PRKCH: variants seen among roughly 807,000 people sequenced by gnomAD.
The protein encoded by PRKCH is protein kinase C eta type.
A neutral mutation model predicts 82.5 loss-of-function variants in PRKCH; 28 were observed. That is an observed-to-expected ratio of 0.34 (90% confidence interval 0.25 to 0.47). PRKCH has a LOEUF of 0.47. Among genes scored for constraint, PRKCH ranks in the 20% least tolerant of loss-of-function variants. The probability of loss-of-function intolerance (pLI) is 1.00; values close to 1 mark genes in which losing one functional copy is unlikely to be tolerated. For synonymous variants in PRKCH, 322 were observed against 327.4 expected (o/e 0.98, Z 0.18); for missense variants, 705 against 881.8 (o/e 0.80, Z 2.54).
At chr14:61,331,715 A>G (rs2045791766) in intron 1 of PRKCH, among the ~76,000 whole-genome samples, 1 of 152,188 alleles carries the variant, frequency 6.6e-6, no homozygotes, top group South Asian at 2.1e-4. Context: ...ACGGTCTCCA[A>G]AGACTTTTAT....
chr14:61,430,038 G>T (rs1291835492), intron 2 of PRKCH, among the ~76,000 whole-genome samples: 1 of 152,086 alleles, frequency 6.6e-6, no homozygotes, highest in African/African-American at 2.4e-5. Flanking sequence ...TAAATTCCAT[G>T]GAATCAAGAG....
intron 1 of PRKCH, among the ~76,000 whole-genome samples, chr14:61,339,105 C>T (rs940070744): frequency 6.6e-6 from 1 of 151,982 alleles, no homozygotes; most frequent in Non-Finnish European, 1.5e-5. Flanking sequence ...TCACCTATCA[C>T]CTACTCCTCC....
chr14:61,363,729 A>C (rs552119992), intron 1 of PRKCH, among the ~76,000 whole-genome samples: 2 of 151,948 alleles, frequency 1.3e-5, no homozygotes, highest in Non-Finnish European at 2.9e-5. Context: ...TTGGTGCCCA[A>C]AGAGAACTCT....
chr14:61,268,090 T>C (rs987919808), intron 1 of PRKCH, among the ~76,000 whole-genome samples: 1 of 152,184 alleles, frequency 6.6e-6, no homozygotes, highest in Non-Finnish European at 1.5e-5. Context: ...ATCTTCAATG[T>C]CTATGTTATT....
intron 10 of PRKCH, among the ~76,000 whole-genome samples, chr14:61,496,843 C>T (rs4902071): frequency 0.63 from 95,646 of 152,062 alleles, 34,939 homozygotes; most frequent in Middle Eastern, 0.81. Context: ...GCATCTACTA[C>T]GAGCCAGGCT....
intron 1 of PRKCH, among the ~76,000 whole-genome samples, chr14:61,273,829 A>T (rs530627162): frequency 6.6e-6 from 1 of 152,206 alleles, no homozygotes; most frequent in Admixed American, 6.5e-5. Flanking sequence ...TATGCATTCA[A>T]CTATCTTGTA....
chr14:61,402,999 G>A (rs1215436411), intron 2 of PRKCH, among the ~76,000 whole-genome samples: 2 of 151,922 alleles, frequency 1.3e-5, no homozygotes, highest in South Asian at 4.1e-4. Context: ...CTAGCATTAG[G>A]TATATCTCCC....
chr14:61,198,510 C>A (rs543119858), intron 1 of PRKCH, among the ~76,000 whole-genome samples: 5 of 152,150 alleles, frequency 3.3e-5, no homozygotes, highest in Non-Finnish European at 7.4e-5. Flanking sequence ...TCGTTCGTGA[C>A]ATTTGTTCAT....
chr14:61,272,340 C>CTTTTTTTTTTTTTTTTTTTTTTT (rs1335053986), intron 1 of PRKCH, among the ~76,000 whole-genome samples: 3 of 97,838 alleles, frequency 3.1e-5, no homozygotes, highest in African/African-American at 8.0e-5. Context: ...TTTCTTTTTT[C>CTTTTTTTTTTTTTTTTTTTTTTT]TTTCTTTTTT....
At chr14:61,281,071 C>A (rs2045260645) in intron 1 of PRKCH, 3 of 1,518,126 alleles carry the variant, frequency 2.0e-6, no homozygotes, top group Non-Finnish European at 2.6e-6. Context: ...CAGCGGCTGC[C>A]AGGCGGGGAG....
At position 61,439,781 on chromosome 14, in the gene PRKCH, G is replaced by A. The variant is rs114451036; in HGVS notation, c.428-3330G>A. On this transcript the variant is annotated intron_variant, in intron 2 of 13. Transcript: ENST00000332981. ...GGTTGGAAGGAAAGAGGGAAGGGCC[G>A]TTTAGGAAGGTGAAAAGGCAGGAGT... Among the ~76,000 whole-genome samples, 921 of 152,254 alleles carry A rather than the reference G, an allele frequency of 6.0e-3. 13 individuals are homozygous for A. The highest frequency in any genetic ancestry group is 0.021 in the African/African-American group (854 of 41,506).
chr14:61,376,684 A>G (rs1363572160), intron 1 of PRKCH, among the ~76,000 whole-genome samples: 1 of 151,914 alleles, frequency 6.6e-6, no homozygotes, highest in Non-Finnish European at 1.5e-5. Flanking sequence ...AATTCTGCCC[A>G]GCACCTCCAG....
rs1159821045 is a variant in PRKCH at position 61,377,890 on chromosome 14, A to C, written c.364-13335A>C. On this transcript the variant is annotated intron_variant, in intron 1 of 13. Coordinates refer to ENST00000332981, the MANE Select transcript of PRKCH (RefSeq NM_006255.5). Reference sequence around the variant, plus strand: ...GACAAAATCTTCCTTTTACATGTTAATCTCTATCATTTTACATAATCAAAA... The same window carrying C: ...GACAAAATCTTCCTTTTACATGTTACTCTCTATCATTTTACATAATCAAAA... 2.0e-5 allele frequency among the ~76,000 whole-genome samples: 3 copies of C among 151,966 alleles called. 1 individual carries two copies. Among genetic ancestry groups the C allele is most frequent in the African/African-American group, 7.3e-5 (3 of 41,356 alleles).
intron 1 of PRKCH, among the ~76,000 whole-genome samples, chr14:61,203,502 C>T (rs1001038215): frequency 3.9e-5 from 6 of 152,048 alleles, no homozygotes; most frequent in East Asian, 1.9e-4. Context: ...TTGTGAGGCA[C>T]TCAAAAATTG....
intron 1 of PRKCH, among the ~76,000 whole-genome samples, chr14:61,290,244 A>G (rs1019643647): frequency 2.0e-5 from 3 of 151,390 alleles, no homozygotes; most frequent in Non-Finnish European, 2.9e-5. Flanking sequence ...GTGAGCCAAG[A>G]TCACACCAGT....
chr14:61,281,380 A>G, intron 1 of PRKCH: 1 of 340,198 alleles, frequency 2.9e-6, no homozygotes, highest in African/African-American at 2.2e-5. Context: ...GGTGCGCTGC[A>G]CCCCCGCGGG....
At chr14:61,433,043 C>CAAAAAAAAAAAAAAAAAA (rs34477992) in intron 2 of PRKCH, among the ~76,000 whole-genome samples, 40 of 110,952 alleles carry the variant, frequency 3.6e-4, no homozygotes, top group Middle Eastern at 4.0e-3. Context: ...CCAACCTCTT[C>CAAAAAAAAAAAAAAAAAA]AAAAAAAAAA....
intron 1 of PRKCH, among the ~76,000 whole-genome samples, chr14:61,248,784 GTATGTATGTA>G (rs1245851965): frequency 1.9e-4 from 17 of 90,864 alleles, no homozygotes; most frequent in Admixed American, 1.5e-3. Flanking sequence ...ATGTATGTAT[GTATGTATGTA>G]TGTATGTGTG....
intron 2 of PRKCH, among the ~76,000 whole-genome samples, chr14:61,391,733 C>G (rs1422606088): frequency 6.6e-6 from 1 of 152,122 alleles, no homozygotes; most frequent in African/African-American, 2.4e-5. Flanking sequence ...CTGTGGCTAC[C>G]GTACTCCCTA....
Sources: allele counts gnomAD v4.1 joint callset (sites outside exome capture counted in the v4.1 genomes callset), GRCh38; gene constraint gnomAD v4.1.1; transcripts MANE v1.5; gene names NCBI Gene and HGNC (gene_info 2026-07-23, HGNC 2026-07-21).